MARCHF5: variants seen among roughly 807,000 people sequenced by gnomAD.
MARCHF5 encodes the protein membrane associated ring-CH-type finger 5, also known as E3 ubiquitin-protein ligase MARCHF5.
In MARCHF5, 5 loss-of-function variants were observed where a neutral mutation model predicts 36.5. The observed-to-expected ratio is 0.14, with a 90% confidence interval of 0.07 to 0.29. MARCHF5 has a LOEUF of 0.29. Ranked by LOEUF, MARCHF5 falls within the 10% of genes least tolerant of loss-of-function variation. The probability of loss-of-function intolerance (pLI) is 1.00; values close to 1 mark genes in which losing one functional copy is unlikely to be tolerated. For missense variants in MARCHF5, 179 were observed against 336.3 expected (o/e 0.53, Z 3.66); for synonymous variants, 103 against 109.9 (o/e 0.94, Z 0.39).
intron 2 of MARCHF5, among the ~76,000 whole-genome samples, chr10:92,336,060 A>C (rs1308295541): frequency 6.6e-6 from 1 of 152,046 alleles, no homozygotes; most frequent in Non-Finnish European, 1.5e-5. Context: ...TCTGAGACGG[A>C]GTTTCGCTCT....
chr10:92,332,758 A>T (rs1179167853), intron 2 of MARCHF5, among the ~76,000 whole-genome samples: 3 of 151,706 alleles, frequency 2.0e-5, no homozygotes, highest in African/African-American at 4.8e-5. Context: ...TGACTTTGAG[A>T]TCCACCTGCC....
At chr10:92,314,162 T>C (rs894085617) in intron 2 of MARCHF5, among the ~76,000 whole-genome samples, 1 of 152,040 alleles carries the variant, frequency 6.6e-6, no homozygotes, top group African/African-American at 2.4e-5. Context: ...CATTGAGCTA[T>C]GATTGCGCCA....
chr10:92,309,932 A>G (rs978966679), intron 1 of MARCHF5, among the ~76,000 whole-genome samples: 1 of 152,224 alleles, frequency 6.6e-6, no homozygotes, highest in Non-Finnish European at 1.5e-5. Context: ...TGCTAAACAA[A>G]TGCTACCTAC....
chr10:92,292,387 GT>G (rs1842889357), intron 1 of MARCHF5, among the ~76,000 whole-genome samples: 1 of 152,156 alleles, frequency 6.6e-6, no homozygotes, highest in Non-Finnish European at 1.5e-5. Context: ...AATTCATGAT[GT>G]TTGTGGTTGC....
intron 3 of MARCHF5, among the ~76,000 whole-genome samples, chr10:92,348,309 T>G (rs986982291): frequency 6.6e-6 from 1 of 151,220 alleles, no homozygotes; most frequent in Non-Finnish European, 1.5e-5. Context: ...GCCAACATGA[T>G]GAAACCTCGT....
chr10:92,314,757 C>CCCCCCCCCCCCCG, intron 2 of MARCHF5, among the ~76,000 whole-genome samples: 1 of 122,338 alleles, frequency 8.2e-6, no homozygotes, highest in Non-Finnish European at 1.6e-5. Context: ...CGCCCCCCCC[C>CCCCCCCCCCCCCG]GCCAATAGAG....
chr10:92,311,854 G>A (rs1046387267), intron 2 of MARCHF5, among the ~76,000 whole-genome samples: 1 of 152,042 alleles, frequency 6.6e-6, no homozygotes, highest in African/African-American at 2.4e-5. Flanking sequence ...TGAAGTGGCA[G>A]GTAAGAAATA....
chr10:92,302,466 C>T (rs1363174651), intron 1 of MARCHF5, among the ~76,000 whole-genome samples: 11 of 141,344 alleles, frequency 7.8e-5, no homozygotes, highest in African/African-American at 2.9e-4. Flanking sequence ...TTTTTTGAGA[C>T]GGAGTTTTGC....
At chr10:92,298,594 CAG>C (rs976646901) in intron 1 of MARCHF5, among the ~76,000 whole-genome samples, 7 of 152,296 alleles carry the variant, frequency 4.6e-5, no homozygotes, top group African/African-American at 1.7e-4. Context: ...GTTTTTGAGA[CAG>C]GGTCTGGCTC....
At chr10:92,345,697 C>CTTTTTTTTTTTTTTTTTTTTCT (rs34971275) in intron 3 of MARCHF5, among the ~76,000 whole-genome samples, 1 of 123,632 alleles carries the variant, frequency 8.1e-6, no homozygotes, top group East Asian at 2.4e-4. Flanking sequence ...TTTTTTTTTT[C>CTTTTTTTTTTTTTTTTTTTTCT]TTTTTTTTTT....
At chr10:92,342,297 C>T (rs1342730091) in intron 3 of MARCHF5, among the ~76,000 whole-genome samples, 2 of 152,048 alleles carry the variant, frequency 1.3e-5, no homozygotes, top group Admixed American at 6.6e-5. Context: ...TACAGGCACA[C>T]ACCACTATGC....
chr10:92,314,757 C>CCCCCCCCG (rs1564946327), intron 2 of MARCHF5, among the ~76,000 whole-genome samples: 5 of 122,338 alleles, frequency 4.1e-5, no homozygotes, highest in Admixed American at 8.4e-5. Context: ...CGCCCCCCCC[C>CCCCCCCCG]GCCAATAGAG....
chr10:92,337,305 C>T (rs919656097), intron 2 of MARCHF5, among the ~76,000 whole-genome samples: 2 of 151,894 alleles, frequency 1.3e-5, no homozygotes, highest in South Asian at 4.2e-4. Flanking sequence ...CACCTGAAGT[C>T]GGAGTTCAAG....
chr10:92,350,178 C>T (rs1380676451), intron 5 of MARCHF5: 9 of 223,196 alleles, frequency 4.0e-5, no homozygotes, highest in Non-Finnish European at 7.9e-5. Flanking sequence ...AAATCTAAAT[C>T]AAATGTCTGG....
chr10:92,322,439 C>CTT lies in MARCHF5; in HGVS notation c.238+11119_238+11120dup, dbSNP rs575122002. ...TTGACTTGGGATCTTTCTTTTTGTC[C>CTT]TTTTTTTTTTTTTTTTTTGAGACAG... On this transcript the variant is annotated intron_variant, in intron 2 of 5. Transcript: ENST00000358935. 9.2e-3 allele frequency among the ~76,000 whole-genome samples: 1,106 copies of CTT among 120,424 alleles called. 25 individuals are homozygous for CTT. The highest frequency in any genetic ancestry group is 0.031 in the African/African-American group (997 of 32,102). The allele number at this position is 120,424 out of a possible 152,430, so 79.0% of individuals were successfully genotyped here.
chr10:92,320,297 C>T (rs1429557624), intron 2 of MARCHF5, among the ~76,000 whole-genome samples: 1 of 151,704 alleles, frequency 6.6e-6, no homozygotes, highest in Non-Finnish European at 1.5e-5. Context: ...CTTACAGGGG[C>T]CTTCCTTCCT....
intron 3 of MARCHF5, among the ~76,000 whole-genome samples, chr10:92,344,343 AT>A (rs1209129718): frequency 2.0e-5 from 3 of 152,256 alleles, no homozygotes; most frequent in Non-Finnish European, 4.4e-5. Context: ...ATTTGAAATT[AT>A]GAGAAAAGTC....
chr10:92,326,070 C>A (rs1327883428), intron 2 of MARCHF5, among the ~76,000 whole-genome samples: 3 of 152,068 alleles, frequency 2.0e-5, no homozygotes, highest in Non-Finnish European at 4.4e-5. Context: ...AAGTGGTTGT[C>A]AAATGTTAAG....
At position 92,314,104 on chromosome 10, in the gene MARCHF5, C is replaced by T. The variant is rs1006582938; in HGVS notation, c.238+2767C>T. Among the ~76,000 whole-genome samples, 8 of 152,146 alleles carry T rather than the reference C, an allele frequency of 5.3e-5. No homozygotes were observed. The East Asian group carries it at 7.7e-4, about 15-fold the overall frequency. On this transcript the variant is annotated intron_variant, in intron 2 of 5. Transcript: ENST00000358935. The stretch of plus-strand genomic sequence containing the variant: ...ACACCTGTTGTAAGTCCTAGCTACT[C>T]GGGAGGCTCAGCTGGGAGGATCACT...
Sources: allele counts gnomAD v4.1 joint callset (sites outside exome capture counted in the v4.1 genomes callset), GRCh38; gene constraint gnomAD v4.1.1; transcripts MANE v1.5; gene names NCBI Gene and HGNC (gene_info 2026-07-23, HGNC 2026-07-21).